The following SLC10A7 variants were observed in gnomAD, a reference collection of about 807,000 sequenced individuals.
The protein encoded by SLC10A7 is solute carrier family 10 member 7.
Under a neutral mutation model 43.2 loss-of-function variants are expected in SLC10A7, and 29 were observed. The observed-to-expected ratio is 0.67, with a 90% confidence interval of 0.50 to 0.92. The LOEUF (loss-of-function observed/expected upper bound fraction) is 0.92. Ranked by LOEUF, SLC10A7 falls within the 40% of genes least tolerant of loss-of-function variation. The pLI is 0.00. For missense variants in SLC10A7, 295 were observed against 403.2 expected (o/e 0.73, Z 2.30); for synonymous variants, 152 against 144.8 (o/e 1.05, Z -0.35).
At chr4:146,268,318 T>C (rs1728689565) in intron 10 of SLC10A7, among the ~76,000 whole-genome samples, 1 of 151,706 alleles carries the variant, frequency 6.6e-6, no homozygotes, top group African/African-American at 2.4e-5. Flanking sequence ...TATTCCTCTA[T>C]CCAAAAAGAG....
chr4:146,407,010 C>A (rs376231554), intron 5 of SLC10A7, among the ~76,000 whole-genome samples: 21 of 152,010 alleles, frequency 1.4e-4, no homozygotes, highest in African/African-American at 3.6e-4. Context: ...ACAACAACAA[C>A]AAAAAAGTGT....
chr4:146,404,560 T>C (rs74697408), intron 5 of SLC10A7, among the ~76,000 whole-genome samples: 3,247 of 151,326 alleles, frequency 0.021, 104 homozygotes, highest in African/African-American at 0.075. Flanking sequence ...GTATATATGT[T>C]TCTATTTGAT....
intron 4 of SLC10A7, among the ~76,000 whole-genome samples, chr4:146,451,882 C>T (rs73852853): frequency 3.9e-5 from 6 of 152,086 alleles, no homozygotes; most frequent in East Asian, 1.9e-4. Flanking sequence ...TTCTTCCTGC[C>T]GAGAGCAGCA....
intron 4 of SLC10A7, among the ~76,000 whole-genome samples, chr4:146,457,559 T>C (rs1732170708): frequency 6.6e-6 from 1 of 151,942 alleles, no homozygotes; most frequent in Non-Finnish European, 1.5e-5. Context: ...CAAAAAACTT[T>C]CAGCAAGCCT....
chr4:146,497,172 G>T (rs1317692417), intron 4 of SLC10A7, among the ~76,000 whole-genome samples: 1 of 152,148 alleles, frequency 6.6e-6, no homozygotes, highest in African/African-American at 2.4e-5. Flanking sequence ...TTCAGGTAAT[G>T]CCAGTGCAAG....
chr4:146,344,772 G>A (rs775625348), intron 5 of SLC10A7, among the ~76,000 whole-genome samples: 1 of 151,950 alleles, frequency 6.6e-6, no homozygotes, highest in Non-Finnish European at 1.5e-5. Flanking sequence ...CAAAACAATA[G>A]TACTCTTCCC....
chr4:146,282,848 G>A lies in SLC10A7; in HGVS notation c.847+344C>T, dbSNP rs147430978. On this transcript the variant is annotated intron_variant, in intron 10 of 11. Transcript: ENST00000335472. ...TTTTCCAGGGACAACTCTAGGGCCTGCCAAAGCAATGTTTTTGCCAATTCC... is the reference window on the plus strand; with the variant it reads ...TTTTCCAGGGACAACTCTAGGGCCTACCAAAGCAATGTTTTTGCCAATTCC... Among the ~76,000 whole-genome samples, 641 of 152,212 alleles carry A rather than the reference G, an allele frequency of 4.2e-3. 2 individuals are homozygous for A. The highest frequency in any genetic ancestry group is 0.014 in the African/African-American group (587 of 41,528).
intron 9 of SLC10A7, among the ~76,000 whole-genome samples, chr4:146,290,128 T>A (rs1169433629): frequency 6.6e-6 from 1 of 150,406 alleles, no homozygotes; most frequent in African/African-American, 2.4e-5. Flanking sequence ...ATCCAGACCA[T>A]CCTGGCTAAC....
At chr4:146,494,124 T>C (rs1735687958) in intron 4 of SLC10A7, among the ~76,000 whole-genome samples, 2 of 152,212 alleles carry the variant, frequency 1.3e-5, no homozygotes, top group South Asian at 4.1e-4. Flanking sequence ...AGTTTACAAG[T>C]ACTTCCACAT....
At chr4:146,428,729 T>C (rs1296284342) in intron 5 of SLC10A7, among the ~76,000 whole-genome samples, 4 of 152,152 alleles carry the variant, frequency 2.6e-5, no homozygotes, top group Non-Finnish European at 4.4e-5. Context: ...TCAATTTGAT[T>C]AAAGTATGTA....
chr4:146,471,323 G>C (rs770787239), intron 4 of SLC10A7, among the ~76,000 whole-genome samples: 1 of 152,216 alleles, frequency 6.6e-6, no homozygotes, highest in Non-Finnish European at 1.5e-5. Flanking sequence ...AACTATAGAA[G>C]TTATCTAGAA....
At chr4:146,308,696 T>C (rs1177387644) in intron 6 of SLC10A7, among the ~76,000 whole-genome samples, 1 of 152,080 alleles carries the variant, frequency 6.6e-6, no homozygotes, top group African/African-American at 2.4e-5. Flanking sequence ...CCCTGGCAGA[T>C]TTAGAAGTAA....
intron 4 of SLC10A7, among the ~76,000 whole-genome samples, chr4:146,481,619 C>T (rs1734483836): frequency 2.0e-5 from 3 of 152,200 alleles, no homozygotes; most frequent in Admixed American, 2.0e-4. Context: ...ATGCTGTGCC[C>T]CCCAGGGGCA....
At chr4:146,380,004 T>C (rs1281445101) in intron 5 of SLC10A7, among the ~76,000 whole-genome samples, 4 of 151,684 alleles carry the variant, frequency 2.6e-5, no homozygotes, top group East Asian at 3.9e-4. Flanking sequence ...TGCAAGAATA[T>C]GGGTAAGCAA....
intron 5 of SLC10A7, among the ~76,000 whole-genome samples, chr4:146,362,716 A>T (rs1301516705): frequency 2.6e-5 from 4 of 152,120 alleles, no homozygotes; most frequent in Admixed American, 6.5e-5. Context: ...AAAATGTGAA[A>T]TGAATGAATT....
Position 146,354,226 on chromosome 4 carries a change from C to G in SLC10A7, c.436-28230G>C, listed in dbSNP as rs945889005. ...AAAATCAATGTACAAAAATCACAAG[C>G]ATTCTTATACACCAACAACAGACAA... On this transcript the variant is annotated intron_variant, in intron 5 of 11. Transcript: ENST00000335472. 4.6e-3 allele frequency among the ~76,000 whole-genome samples: 679 copies of G among 149,214 alleles called. 4 individuals carry two copies. The highest frequency in any genetic ancestry group is 0.014 in the Middle Eastern group (4 of 290).
chr4:146,444,081 T>A (rs954825867), intron 4 of SLC10A7, among the ~76,000 whole-genome samples: 3 of 152,154 alleles, frequency 2.0e-5, no homozygotes, highest in African/African-American at 7.2e-5. Context: ...TTGTAAACTA[T>A]AGCAATATAT....
At chr4:146,469,466 G>C (rs1372002184) in intron 4 of SLC10A7, among the ~76,000 whole-genome samples, 2 of 152,132 alleles carry the variant, frequency 1.3e-5, no homozygotes, top group Non-Finnish European at 2.9e-5. Flanking sequence ...ACTTGAATCT[G>C]CATACTATCA....
At chr4:146,485,365 CAG>C (rs1734820173) in intron 4 of SLC10A7, among the ~76,000 whole-genome samples, 1 of 152,108 alleles carries the variant, frequency 6.6e-6, no homozygotes, top group African/African-American at 2.4e-5. Context: ...GGCCACCTAG[CAG>C]AGAGTCCTAG....
Sources: gnomAD v4.1 joint callset for allele counts (sites outside exome capture counted in the v4.1 genomes callset) on GRCh38, gnomAD v4.1.1 for gene constraint, MANE v1.5 for transcripts, NCBI Gene and HGNC (gene_info 2026-07-23, HGNC 2026-07-21) for gene names.